The following FHIT variants were observed in gnomAD, a reference collection of about 807,000 sequenced individuals.
FHIT encodes bis(5'-adenosyl)-triphosphatase.
In FHIT, 19 loss-of-function variants were observed where a neutral mutation model predicts 17.9. That is an observed-to-expected ratio of 1.06 (90% CI 0.74 to 1.56). The LOEUF (loss-of-function observed/expected upper bound fraction) is 1.56, where lower values mean the gene tolerates loss of function less well. Among genes scored for constraint, FHIT ranks in the 40% most tolerant of loss-of-function variants. The pLI is 0.00. For synonymous variants in FHIT, 81 were observed against 69.7 expected, an observed-to-expected ratio of 1.16 and a Z score of -0.81; for missense variants, 248 against 189.2, an observed-to-expected ratio of 1.31 and a Z score of -1.82.
At chr3:59,847,394 CATT>C (rs1467192707) in intron 8 of FHIT, among the ~76,000 whole-genome samples, 1 of 152,060 alleles carries the variant, frequency 6.6e-6, no homozygotes. Flanking sequence ...TCATGTCAGT[CATT>C]ATATTTTTCA....
chr3:60,020,397 G>C (rs548835948), intron 5 of FHIT, among the ~76,000 whole-genome samples: 9 of 152,146 alleles, frequency 5.9e-5, no homozygotes, highest in Non-Finnish European at 1.0e-4. Flanking sequence ...CCCCCATTTA[G>C]TTTTCTATAT....
intron 5 of FHIT, among the ~76,000 whole-genome samples, chr3:60,221,561 T>C (rs1373719871): frequency 6.6e-6 from 1 of 152,214 alleles, no homozygotes; most frequent in African/African-American, 2.4e-5. Context: ...TGCAAACTTC[T>C]GGTCATTTCC....
intron 3 of FHIT, among the ~76,000 whole-genome samples, chr3:60,999,358 A>G (rs932981101): frequency 3.3e-5 from 5 of 151,938 alleles, no homozygotes; most frequent in Non-Finnish European, 7.4e-5. Flanking sequence ...GTTGCAAGAA[A>G]TCTAACAGGA....
intron 5 of FHIT, among the ~76,000 whole-genome samples, chr3:60,357,732 C>T (rs1403724326): frequency 6.6e-6 from 1 of 152,168 alleles, no homozygotes; most frequent in Admixed American, 6.5e-5. Flanking sequence ...CATATTGATA[C>T]ACATATTTAA....
At chr3:60,228,727 G>A (rs1375796688) in intron 5 of FHIT, among the ~76,000 whole-genome samples, 3 of 152,082 alleles carry the variant, frequency 2.0e-5, no homozygotes, top group African/African-American at 7.2e-5. Context: ...CGAGACCCTT[G>A]AATAAAACAA....
intron 7 of FHIT, among the ~76,000 whole-genome samples, chr3:59,956,738 G>C (rs1359865628): frequency 6.6e-6 from 1 of 152,182 alleles, no homozygotes; most frequent in Non-Finnish European, 1.5e-5. Context: ...ATGGGGATAA[G>C]AACAGTAGCC....
chr3:60,512,409 C>T (rs1040465747), intron 5 of FHIT, among the ~76,000 whole-genome samples: 2 of 152,228 alleles, frequency 1.3e-5, no homozygotes, highest in Non-Finnish European at 2.9e-5. Flanking sequence ...CATATGTCAG[C>T]TTACTTACTT....
chr3:59,975,628 A>G (rs889843848), intron 7 of FHIT, among the ~76,000 whole-genome samples: 3 of 152,100 alleles, frequency 2.0e-5, no homozygotes, highest in Non-Finnish European at 4.4e-5. Flanking sequence ...TTAAAAAAAC[A>G]TTAGAGAAAG....
intron 8 of FHIT, among the ~76,000 whole-genome samples, chr3:59,813,985 A>T (rs1274567303): frequency 6.6e-6 from 1 of 151,924 alleles, no homozygotes; most frequent in South Asian, 2.1e-4. Context: ...GTTGTCTGTC[A>T]CTGACAATTC....
At chr3:60,037,363 A>G (rs1042723330) in intron 5 of FHIT, among the ~76,000 whole-genome samples, 2 of 150,088 alleles carry the variant, frequency 1.3e-5, no homozygotes, top group African/African-American at 4.9e-5. Context: ...CATTTAACCC[A>G]CTCAGCTTAC....
chr3:60,843,817 C>G (rs1702826074), intron 3 of FHIT, among the ~76,000 whole-genome samples: 2 of 152,144 alleles, frequency 1.3e-5, no homozygotes, highest in African/African-American at 4.8e-5. Context: ...GTTCATCCTT[C>G]TCTTCTTGTC....
intron 4 of FHIT, among the ~76,000 whole-genome samples, chr3:60,694,945 G>A (rs1392802625): frequency 6.6e-6 from 1 of 152,104 alleles, no homozygotes; most frequent in Non-Finnish European, 1.5e-5. Flanking sequence ...ATAGCATTAG[G>A]AGATATACCT....
At chr3:59,824,355 G>A (rs560227956) in intron 8 of FHIT, among the ~76,000 whole-genome samples, 14 of 152,324 alleles carry the variant, frequency 9.2e-5, no homozygotes, top group African/African-American at 2.6e-4. Context: ...CTTGCATTGC[G>A]TATCTTACAT....
Position 60,444,421 on chromosome 3 carries a change from A to C in FHIT, c.103+92439T>G, listed in dbSNP as rs559508765. 7.9e-5 allele frequency among the ~76,000 whole-genome samples: 12 copies of C among 152,302 alleles called. No individual in the cohort carries two copies. In the South Asian group the frequency reaches 1.2e-3, roughly 16 times the overall value. ...TATGTTTATTGCGGCACTACTCACAATAGCAAAGACTTGGAACCAACCCAA... is the reference window on the plus strand; with the variant it reads ...TATGTTTATTGCGGCACTACTCACACTAGCAAAGACTTGGAACCAACCCAA... On this transcript the variant is annotated intron_variant, in intron 5 of 9. Coordinates refer to ENST00000492590, the MANE Select transcript of FHIT (RefSeq NM_002012.4).
intron 4 of FHIT, among the ~76,000 whole-genome samples, chr3:60,542,757 T>C (rs2036226060): frequency 6.6e-6 from 1 of 152,234 alleles, no homozygotes; most frequent in African/African-American, 2.4e-5. Flanking sequence ...CATTTTGATG[T>C]ATTCCAAGTC....
rs142325017 is a variant in FHIT at position 60,475,532 on chromosome 3, C to T, written c.103+61328G>A. ...ACTTGTGCGCTTAAAACTGCAGCAG[C>T]TGATGTAGGCACTGGAGGGGCTACA... is the stretch of plus-strand genomic sequence containing the variant. On this transcript the variant is annotated intron_variant, in intron 5 of 9. Transcript: ENST00000492590. 2.3e-3 allele frequency among the ~76,000 whole-genome samples: 349 copies of T among 152,278 alleles called. 1 individual carries two copies. Among genetic ancestry groups the T allele is most frequent in the Non-Finnish European group, 3.9e-3 (265 of 68,022 alleles).
chr3:60,104,125 T>G (rs1387980871), intron 5 of FHIT, among the ~76,000 whole-genome samples: 2 of 152,190 alleles, frequency 1.3e-5, no homozygotes, highest in Non-Finnish European at 2.9e-5. Context: ...AGAACTCATT[T>G]TGGGGAGGAA....
intron 5 of FHIT, among the ~76,000 whole-genome samples, chr3:60,165,765 A>T (rs1170161967): frequency 6.6e-6 from 1 of 152,184 alleles, no homozygotes; most frequent in Non-Finnish European, 1.5e-5. Flanking sequence ...ACCAACATAA[A>T]AAGGACATTG....
intron 5 of FHIT, among the ~76,000 whole-genome samples, chr3:60,078,495 G>T (rs1462655190): frequency 6.6e-6 from 1 of 152,092 alleles, no homozygotes; most frequent in African/African-American, 2.4e-5. Context: ...GACAAAGTCT[G>T]GGGAATTGTT....
Sources: allele counts gnomAD v4.1 joint callset (sites outside exome capture counted in the v4.1 genomes callset), GRCh38; gene constraint gnomAD v4.1.1; transcripts MANE v1.5; gene names NCBI Gene and HGNC (gene_info 2026-07-23, HGNC 2026-07-21).